Variants in HMGN5 observed in about 807,000 individuals in gnomAD.
HMGN5 encodes the protein high mobility group nucleosome-binding domain-containing protein 5.
In HMGN5, 4 loss-of-function variants were observed where a neutral mutation model predicts 9.5. The ratio of observed to expected loss-of-function variants is 0.42; its 90% CI spans 0.21 to 0.96. The LOEUF (loss-of-function observed/expected upper bound fraction) is 0.96, where lower values mean the gene tolerates loss of function less well. Ranked by LOEUF, HMGN5 falls within the 40% of genes least tolerant of loss-of-function variation. The pLI is 0.30. For missense variants in HMGN5, 192 were observed against 187.5 expected (o/e 1.02, Z -0.14); for synonymous variants, 55 against 57.1 (o/e 0.96, Z 0.16).
At chrX:81,145,712 G>A (rs1016303355) in intron 1 of HMGN5, among the ~76,000 whole-genome samples, 1 of 111,435 alleles carries the variant, frequency 9.0e-6, no homozygotes. Flanking sequence ...CTGAAGAATT[G>A]GTTAAAGAGT....
intron 1 of HMGN5, among the ~76,000 whole-genome samples, chrX:81,138,828 C>G (rs1479965679): frequency 1.8e-5 from 2 of 111,618 alleles, no homozygotes; most frequent in Non-Finnish European, 3.8e-5. Context: ...AATTTCACTT[C>G]TATATACTAT....
intron 1 of HMGN5, among the ~76,000 whole-genome samples, chrX:81,174,686 C>T (rs1370912473): frequency 9.0e-6 from 1 of 111,021 alleles, no homozygotes; most frequent in Non-Finnish European, 1.9e-5. Context: ...ATAATAATAC[C>T]TATTTCATAG....
intron 1 of HMGN5, among the ~76,000 whole-genome samples, chrX:81,136,102 A>C (rs2075310397): frequency 8.9e-6 from 1 of 111,964 alleles, no homozygotes; most frequent in Non-Finnish European, 1.9e-5. Flanking sequence ...ACTGTGAGCT[A>C]AGTAAATTTC....
In HMGN5 at chrX:81,114,516, G is replaced by T; in HGVS notation, c.*133C>A. On this transcript the variant is annotated 3_prime_UTR_variant, in exon 7 of 7. Coordinates refer to ENST00000358130, the MANE Select transcript of HMGN5 (RefSeq NM_030763.3). ...AAACTTTATGGCTAATAATCAATAT[G>T]AAGATGTTCTGAAATTAAATCAATG... 1.7e-6 allele frequency: 1 copy of T among 574,043 alleles called. No homozygotes were observed. The highest frequency in any genetic ancestry group is 2.5e-6 in the Non-Finnish European group (1 of 407,064). The allele number at this position is 574,043 out of a possible 1,213,427, so 47.3% of individuals were successfully genotyped here.
chrX:81,160,765 C>T (rs1013630344), intron 1 of HMGN5, among the ~76,000 whole-genome samples: 4 of 111,135 alleles, frequency 3.6e-5, no homozygotes, highest in African/African-American at 1.3e-4. Context: ...TTTATCCAGC[C>T]TATCATTGTT....
intron 1 of HMGN5, among the ~76,000 whole-genome samples, chrX:81,192,838 G>T (rs144426700): frequency 0.015 from 1,615 of 110,536 alleles, 34 homozygotes; most frequent in African/African-American, 0.051. Context: ...ATTGTCTTCT[G>T]CCTCTCATTT....
chrX:81,144,900 G>C (rs889155835), intron 1 of HMGN5, among the ~76,000 whole-genome samples: 1 of 111,548 alleles, frequency 9.0e-6, no homozygotes, highest in African/African-American at 3.3e-5. Flanking sequence ...AATGATACCA[G>C]AGATCAAAGA....
chrX:81,152,146 G>T (rs1260739635), intron 1 of HMGN5, among the ~76,000 whole-genome samples: 3 of 111,520 alleles, frequency 2.7e-5, no homozygotes, highest in African/African-American at 9.8e-5. Context: ...TCACAAATGG[G>T]ATCTAATTAA....
intron 5 of HMGN5, among the ~76,000 whole-genome samples, chrX:81,117,257 T>TC (rs2075256103): frequency 1.1e-5 from 1 of 93,240 alleles, no homozygotes; most frequent in Non-Finnish European, 2.1e-5. Context: ...TTCTTTTTTT[T>TC]CCGTTTTTTT....
intron 1 of HMGN5, among the ~76,000 whole-genome samples, chrX:81,169,387 A>C (rs1398971081): frequency 8.9e-6 from 1 of 112,069 alleles, no homozygotes; most frequent in African/African-American, 3.2e-5. Flanking sequence ...GAAGAGTATA[A>C]TAAAAGTTGT....
chrX:81,154,319 A>C (rs2075377015), intron 1 of HMGN5, among the ~76,000 whole-genome samples: 1 of 111,645 alleles, frequency 9.0e-6, no homozygotes, highest in Admixed American at 9.5e-5. Context: ...CATGCAGAAT[A>C]ATGAAACTTG....
chrX:81,190,275 G>C (rs1390886196), intron 1 of HMGN5, among the ~76,000 whole-genome samples: 1 of 111,335 alleles, frequency 9.0e-6, no homozygotes, highest in African/African-American at 3.3e-5. Context: ...CTGCAGAGCT[G>C]AACTTTTAAA....
At chrX:81,119,176 ACT>A (rs1182862489) in intron 3 of HMGN5, among the ~76,000 whole-genome samples, 1 of 111,316 alleles carries the variant, frequency 9.0e-6, no homozygotes, top group African/African-American at 3.3e-5. Flanking sequence ...TTTTTTTCAC[ACT>A]CAGTATATTT....
At chrX:81,151,117 A>G (rs2075360766) in intron 1 of HMGN5, among the ~76,000 whole-genome samples, 3 of 112,137 alleles carry the variant, frequency 2.7e-5, no homozygotes, top group Non-Finnish European at 3.8e-5. Flanking sequence ...CTACAAGGCT[A>G]TTATTACCCT....
chrX:81,180,860 C>A (rs2075460854), intron 1 of HMGN5, among the ~76,000 whole-genome samples: 1 of 111,755 alleles, frequency 8.9e-6, no homozygotes, highest in Non-Finnish European at 1.9e-5. Flanking sequence ...CCATGGAATA[C>A]TATGCAGCCA....
chrX:81,156,070 G>A (rs1321167419), intron 1 of HMGN5, among the ~76,000 whole-genome samples: 2 of 111,811 alleles, frequency 1.8e-5, no homozygotes, highest in Non-Finnish European at 3.8e-5. Flanking sequence ...TGAATCCATA[G>A]TTCTCTCAAC....
chrX:81,116,701 G>A (rs1339541494), intron 5 of HMGN5, among the ~76,000 whole-genome samples: 3 of 112,090 alleles, frequency 2.7e-5, no homozygotes, highest in Non-Finnish European at 5.6e-5. Flanking sequence ...GAGAGGGTCA[G>A]TTTATTTCTG....
chrX:81,145,472 G>C (rs2075341038), intron 1 of HMGN5, among the ~76,000 whole-genome samples: 1 of 111,816 alleles, frequency 8.9e-6, no homozygotes, highest in Admixed American at 9.5e-5. Flanking sequence ...GTCACCACCA[G>C]GCCTGCCTTA....
At chrX:81,200,642 G>A (rs1174030585) in intron 1 of HMGN5, among the ~76,000 whole-genome samples, 1 of 111,621 alleles carries the variant, frequency 9.0e-6, no homozygotes, top group African/African-American at 3.3e-5. Flanking sequence ...TCACTCATAT[G>A]TGGGAGTTGA....
Sources: allele counts gnomAD v4.1 joint callset (sites outside exome capture counted in the v4.1 genomes callset), GRCh38; gene constraint gnomAD v4.1.1; transcripts MANE v1.5; gene names NCBI Gene and HGNC (gene_info 2026-07-23, HGNC 2026-07-21).